PCDHGA7: variants seen among roughly 807,000 people sequenced by gnomAD.
PCDHGA7 encodes protocadherin gamma-A7.
In PCDHGA7, 44 loss-of-function variants were observed where a neutral mutation model predicts 58.3. That is an observed-to-expected ratio of 0.75 (90% CI 0.59 to 0.97). PCDHGA7 has a LOEUF of 0.97. Ranked by LOEUF, PCDHGA7 falls within the 50% of genes least tolerant of loss-of-function variation. PCDHGA7 has a pLI of 0.00. For missense variants in PCDHGA7, 1,266 were observed against 1,188.7 expected, an observed-to-expected ratio of 1.06 and a Z score of -0.96; for synonymous variants, 516 against 504.2, an observed-to-expected ratio of 1.02 and a Z score of -0.31.
chr5:141,426,753 A>G (rs1360041118), intron 1 of PCDHGA7: 3 of 456,298 alleles, frequency 6.6e-6, no homozygotes, highest in East Asian at 7.0e-5. Flanking sequence ...GGAATCTGCT[A>G]TAGATGCAGA....
chr5:141,433,347 CCTA>C, intron 1 of PCDHGA7: 1 of 626,716 alleles, frequency 1.6e-6, no homozygotes, highest in South Asian at 2.0e-5. Flanking sequence ...GTGCAAGCCA[CCTA>C]CTGTCTGCCT....
rs1259098111 is a variant in PCDHGA7 at position 141,489,418 on chromosome 5, T to C, written c.2425-5389T>C. On this transcript the variant is annotated intron_variant, in intron 1 of 3. Coordinates refer to ENST00000518325, the MANE Select transcript of PCDHGA7 (RefSeq NM_018920.4). This position sits in a 1 kb window ranked among gnomAD's most constrained non-coding sequence, Gnocchi z 4.5. ...TCTGGGCTTAAAGATGACAGATCTGTTGAGCCGGCGGCTGCAATTGGGCTC... is the reference window on the plus strand; with the variant it reads ...TCTGGGCTTAAAGATGACAGATCTGCTGAGCCGGCGGCTGCAATTGGGCTC... The C allele has an allele frequency of 1.2e-6, 2 of 1,614,174 alleles. No individual in the cohort carries two copies. The highest frequency in any genetic ancestry group is 8.5e-7 in the Non-Finnish European group (1 of 1,180,032).
intron 1 of PCDHGA7, chr5:141,418,363 C>T (rs147423305): frequency 4.4e-4 from 703 of 1,613,984 alleles, no homozygotes; most frequent in Non-Finnish European, 5.5e-4. Flanking sequence ...ATTCGCTGAG[C>T]AAATACCAAC....
rs201458472 is a variant in PCDHGA7 at position 141,403,860 on chromosome 5, C to T, written c.2424+18537C>T. 1.5e-5 allele frequency: 25 copies of T among 1,613,382 alleles called. No individual in the cohort carries two copies. In the Admixed American group the frequency reaches 2.7e-4, roughly 17 times the overall value. Reference sequence around the variant, plus strand: ...AATGAAAATACTGGGGAAATATCAACAGCAAAAAGTCTAGATTATGAAGAA... The same window carrying T: ...AATGAAAATACTGGGGAAATATCAATAGCAAAAAGTCTAGATTATGAAGAA... On this transcript the variant is annotated intron_variant, in intron 1 of 3. Coordinates refer to ENST00000518325, the MANE Select transcript of PCDHGA7 (RefSeq NM_018920.4).
At chr5:141,503,729 G>C (rs531112359) in intron 2 of PCDHGA7, among the ~76,000 whole-genome samples, 1 of 152,190 alleles carries the variant, frequency 6.6e-6, no homozygotes, top group East Asian at 1.9e-4. Flanking sequence ...CTTTATGTTT[G>C]TTGTGATGGT....
intron 1 of PCDHGA7, among the ~76,000 whole-genome samples, chr5:141,447,954 CGGACACCTA>C (rs2098556369): frequency 6.6e-6 from 1 of 151,814 alleles, no homozygotes; most frequent in Non-Finnish European, 1.5e-5. Context: ...GGCATGGTGG[CGGACACCTA>C]TAATCCCAGC....
At chr5:141,503,325 G>A (rs1002520312) in intron 2 of PCDHGA7, among the ~76,000 whole-genome samples, 10 of 152,104 alleles carry the variant, frequency 6.6e-5, no homozygotes, top group East Asian at 1.9e-4. Flanking sequence ...GGAGGGGCGC[G>A]GTGGCTCACG....
chr5:141,474,135 G>C (rs1032470573), intron 1 of PCDHGA7, among the ~76,000 whole-genome samples: 2 of 152,062 alleles, frequency 1.3e-5, no homozygotes, highest in Admixed American at 1.3e-4. Context: ...GAAAACTACA[G>C]GCCTTATTAT....
chr5:141,404,517 A>C (rs1268035794), intron 1 of PCDHGA7: 1 of 1,613,938 alleles, frequency 6.2e-7, no homozygotes, highest in South Asian at 1.1e-5. Flanking sequence ...TCCTTTGACT[A>C]TGAGCAGTTT....
At chr5:141,408,697 C>T (rs58047392) in intron 1 of PCDHGA7, 227,396 of 1,612,898 alleles carry the variant, frequency 0.14, 18,149 homozygotes, top group African/African-American at 0.31. Context: ...TAAACATAAA[C>T]TCAATTAAAG....
chr5:141,449,078 C>T (rs1342751417), intron 1 of PCDHGA7, among the ~76,000 whole-genome samples: 1 of 152,052 alleles, frequency 6.6e-6, no homozygotes, highest in Non-Finnish European at 1.5e-5. Flanking sequence ...AGCCCTGTAC[C>T]TACATCAGTT....
intron 1 of PCDHGA7, chr5:141,413,678 T>G (rs201325660): frequency 5.6e-6 from 9 of 1,613,632 alleles, no homozygotes; most frequent in Non-Finnish European, 7.6e-6. Flanking sequence ...GATGTGGGCG[T>G]GAACTCCCTG....
At chr5:141,408,932 A>C in intron 1 of PCDHGA7, 1 of 1,613,594 alleles carries the variant, frequency 6.2e-7, no homozygotes, top group South Asian at 1.1e-5. Context: ...GGTTTTCAGC[A>C]GAGACGAATA....
intron 1 of PCDHGA7, among the ~76,000 whole-genome samples, chr5:141,445,156 GT>G (rs1248104914): frequency 6.6e-6 from 1 of 152,018 alleles, no homozygotes; most frequent in Non-Finnish European, 1.5e-5. Flanking sequence ...TTCATTTCTA[GT>G]TTACAGAAAA....
At position 141,393,422 on chromosome 5, in the gene PCDHGA7, G is replaced by C. The variant is rs552855100; in HGVS notation, c.2424+8099G>C. 12 of 1,614,042 alleles carry C rather than the reference G, an allele frequency of 7.4e-6. No individual in the cohort carries two copies. The East Asian group carries it at 2.7e-4, about 36-fold the overall frequency. On this transcript the variant is annotated intron_variant, in intron 1 of 3. Coordinates refer to ENST00000518325, the MANE Select transcript of PCDHGA7 (RefSeq NM_018920.4). ...TGCTGGAGCGCGCCCTGGACAGGGA[G>C]GAAGAGGCTGCTCACCACCTGGTCC...
Position 141,477,032 on chromosome 5 carries a change from A to G in PCDHGA7, c.2425-17775A>G, listed in dbSNP as rs1026169829. 2 of 1,614,134 alleles carry G rather than the reference A, an allele frequency of 1.2e-6. No homozygotes were observed. Among genetic ancestry groups the G allele is most frequent in the Non-Finnish European group, 1.7e-6 (2 of 1,180,044 alleles). ...AGACCTTGTAACCGGGATGCTGACA[A>G]TCAAGGGTCGGCTGGACTTCGAGGA... On this transcript the variant is annotated intron_variant, in intron 1 of 3. Transcript: ENST00000518325. This position sits in a 1 kb window ranked among gnomAD's most constrained non-coding sequence, Gnocchi z 4.9.
chr5:141,391,744 C>T (rs559357798), intron 1 of PCDHGA7: 1 of 152,230 alleles, frequency 6.6e-6, no homozygotes, highest in South Asian at 2.1e-4. Context: ...TCATACTTAT[C>T]CTTTGGCTTC....
intron 1 of PCDHGA7, chr5:141,414,713 C>T: frequency 6.2e-7 from 1 of 1,614,126 alleles, no homozygotes; most frequent in Admixed American, 1.7e-5. Context: ...TCCATCAACT[C>T]AGACACTGGC....
chr5:141,511,304 CTTGGGAAA>C lies in PCDHGA7; in HGVS notation c.*132_*139del. ...TGGTAGGGGCCAAGGCCATGCTCCC[CTTGGGAAA>C]CAGAAACAAGTGCCCAGTCAGCACC... is the stretch of plus-strand genomic sequence containing the variant. On this transcript the variant is annotated 3_prime_UTR_variant, in exon 4 of 4. Transcript: ENST00000518325. The C allele has an allele frequency of 2.0e-6, 3 of 1,490,438 alleles. No individual in the cohort carries two copies. The South Asian group carries it at 4.0e-5, about 20-fold the overall frequency. 92.3% of individuals were successfully genotyped at this position (1,490,438 alleles called of 1,614,324 possible). A position where few individuals can be genotyped will look rare whatever the true frequency, so the allele number is the denominator to read the frequency against.
Sources: gnomAD v4.1 joint callset for allele counts (sites outside exome capture counted in the v4.1 genomes callset) on GRCh38, gnomAD v4.1.1 for gene constraint, Gnocchi (gnomAD v3.1) non-coding constraint, MANE v1.5 for transcripts, NCBI Gene and HGNC (gene_info 2026-07-23, HGNC 2026-07-21) for gene names.